KIR3DL1: variants seen among roughly 807,000 people sequenced by gnomAD.
KIR3DL1 encodes the protein killer cell immunoglobulin-like receptor 3DL1.
In KIR3DL1, 50 loss-of-function variants were observed where a neutral mutation model predicts 40.3. The observed-to-expected ratio is 1.24, with a 90% confidence interval of 0.99 to 1.57. KIR3DL1 has a LOEUF of 1.57. Among genes scored for constraint, KIR3DL1 ranks in the 40% most tolerant of loss-of-function variants. The pLI is 0.00. For synonymous variants in KIR3DL1, 257 were observed against 207.2 expected (o/e 1.24, Z -2.07); for missense variants, 661 against 559.9 (o/e 1.18, Z -1.82).
intron 2 of KIR3DL1, 39 bp downstream of exon 2, chr19:54,817,608 C>T: frequency 2.1e-6 from 3 of 1,457,926 alleles, no homozygotes; most frequent in South Asian, 1.2e-5. Flanking sequence ...CATCTCCCCA[C>T]ATAAGAGGAT....
At chr19:54,826,955 G>A (rs1341482276) in intron 6 of KIR3DL1, among the ~76,000 whole-genome samples, 2 of 150,860 alleles carry the variant, frequency 1.3e-5, no homozygotes, top group Non-Finnish European at 3.0e-5. Context: ...TTCACCTCGG[G>A]GTAGCCAGGA....
intron 6 of KIR3DL1, among the ~76,000 whole-genome samples, chr19:54,825,799 T>A (rs2061854706): frequency 6.6e-6 from 1 of 150,626 alleles, no homozygotes; most frequent in Non-Finnish European, 1.5e-5. Context: ...TGTCCCAGCT[T>A]CTAAAGGCTC....
chr19:54,816,995 G>A (rs1311549492), intron 1 of KIR3DL1, among the ~76,000 whole-genome samples: 6 of 142,764 alleles, frequency 4.2e-5, no homozygotes, highest in African/African-American at 5.3e-5. Context: ...TTATGGGCCC[G>A]GAGGTGGAGT....
At position 54,822,225 on chromosome 19, in the gene KIR3DL1, C is replaced by A. The variant is rs1394753670; in HGVS notation, c.949+367C>A. Among the ~76,000 whole-genome samples the A allele has an allele frequency of 1.9e-4, 28 of 151,244 alleles. 2 individuals are homozygous for A. The highest frequency in any genetic ancestry group is 5.9e-5 in the Non-Finnish European group (4 of 67,938). On this transcript the variant is annotated intron_variant, in intron 5 of 8. Coordinates refer to ENST00000391728, the Ensembl canonical transcript of KIR3DL1. ...CACAGAGAGATATCATCACCAGCAACCCCTACACCCTTTTCTTTTCATTTT... is the reference window on the plus strand; with the variant it reads ...CACAGAGAGATATCATCACCAGCAAACCCTACACCCTTTTCTTTTCATTTT...
At chr19:54,820,124 A>G (rs1294273856) in intron 4 of KIR3DL1, 112 bp downstream of exon 4, 25 of 1,151,986 alleles carry the variant, frequency 2.2e-5, no homozygotes, top group Non-Finnish European at 2.9e-5. Flanking sequence ...TCTTATGGAA[A>G]GAGAGTGACT....
At chr19:54,817,165 C>A (rs1239738082) in intron 1 of KIR3DL1, among the ~76,000 whole-genome samples, 10 of 145,996 alleles carry the variant, frequency 6.8e-5, no homozygotes, top group Non-Finnish European at 1.4e-4. Flanking sequence ...AAATATGGGC[C>A]TGGAGTGGAG....
At chr19:54,827,814 G>T (rs1313769469) in intron 6 of KIR3DL1, among the ~76,000 whole-genome samples, 1 of 150,334 alleles carries the variant, frequency 6.7e-6, no homozygotes, top group African/African-American at 2.5e-5. Flanking sequence ...GTGAAAGCCC[G>T]CTGAATCCTC....
rs559112856 is a variant in KIR3DL1 at position 54,830,491 on chromosome 19, C to T, written c.*216C>T. On this transcript the variant is annotated 3_prime_UTR_variant, in exon 9 of 9. Coordinates refer to ENST00000391728, the Ensembl canonical transcript of KIR3DL1. ...GCTGGAAAGAAAACACACTCCTTTGCTTAGCCCACAGTTCTCCATTTCACT... is the reference window on the plus strand; with the variant it reads ...GCTGGAAAGAAAACACACTCCTTTGTTTAGCCCACAGTTCTCCATTTCACT... The T allele has an allele frequency of 1.1e-5, 7 of 617,240 alleles. 1 individual carries two copies. The highest frequency in any genetic ancestry group is 1.1e-4 in the South Asian group (5 of 45,962). The allele number at this position is 617,240 out of a possible 1,614,324, so 38.2% of individuals were successfully genotyped here. A position where few individuals can be genotyped will look rare whatever the true frequency, so the allele number is the denominator to read the frequency against.
At chr19:54,820,454 G>A (rs572807824) in intron 4 of KIR3DL1, among the ~76,000 whole-genome samples, 24 of 151,600 alleles carry the variant, frequency 1.6e-4, no homozygotes, top group South Asian at 6.3e-4. Context: ...TACAGATGCC[G>A]TGTTTATTCT....
chr19:54,822,142 T>G (rs1386679254), intron 5 of KIR3DL1, among the ~76,000 whole-genome samples: 1 of 150,678 alleles, frequency 6.6e-6, no homozygotes, highest in Non-Finnish European at 1.5e-5. Context: ...AGATCAGAGG[T>G]TCCCTCAGCC....
At chr19:54,817,400 G>T (rs2061404778) in intron 1 of KIR3DL1, 134 bp from the exon 2 acceptor site, 2 of 768,012 alleles carry the variant, frequency 2.6e-6, no homozygotes, top group Non-Finnish European at 4.6e-6. Flanking sequence ...GTTCCTGGGG[G>T]CAGGTAGGCA....
At chr19:54,826,529 A>G (rs2148168548) in intron 6 of KIR3DL1, among the ~76,000 whole-genome samples, 1 of 145,658 alleles carries the variant, frequency 6.9e-6, no homozygotes, top group South Asian at 2.3e-4. Context: ...CATGTTGGCC[A>G]AGCTTGTCTG....
At chr19:54,826,858 C>T (rs664686) in intron 6 of KIR3DL1, among the ~76,000 whole-genome samples, 6,844 of 150,246 alleles carry the variant, frequency 0.046, 70 homozygotes, top group East Asian at 0.088. Context: ...AATGACAAGA[C>T]GACTGTGGAG....
rs1292621997 is a variant in KIR3DL1, at chr19:54,828,903, CAG to C, written c.1001-454_1001-453del. Among the ~76,000 whole-genome samples, 8 of 141,218 alleles carry C rather than the reference CAG, an allele frequency of 5.7e-5. 1 individual carries two copies. Among genetic ancestry groups the C allele is most frequent in the Non-Finnish European group, 1.3e-4 (8 of 63,774 alleles). 92.6% of individuals were successfully genotyped at this position (141,218 alleles called of 152,430 possible). A position where few individuals can be genotyped will look rare whatever the true frequency, so the allele number is the denominator to read the frequency against. ...AGAAGGGAAGGAGGGTCTGTCTGTG[CAG>C]AGACCACAGAGATCACACGGCAAGA... On this transcript the variant is annotated intron_variant, in intron 6 of 8. Coordinates refer to ENST00000391728, the Ensembl canonical transcript of KIR3DL1.
In KIR3DL1 at chr19:54,829,566, C is replaced by T. The variant is rs113632222; in HGVS notation, c.1105+101C>T. ...TCCTCACTGGCAGGATGGTCCCTGG[C>T]CCAAGACAGGAGCCACAGAGGCAGG... On this transcript the variant is annotated intron_variant, in intron 7 of 8. Transcript: ENST00000391728. The T allele has an allele frequency of 2.0e-3, 2,059 of 1,053,826 alleles. 187 individuals carry two copies. Among genetic ancestry groups the T allele is most frequent in the Non-Finnish European group, 2.5e-3 (1,816 of 729,364 alleles). 65.3% of individuals were successfully genotyped at this position (1,053,826 alleles called of 1,614,324 possible).
chr19:54,824,085 G>T (rs1481206389), intron 5 of KIR3DL1, among the ~76,000 whole-genome samples: 1 of 151,454 alleles, frequency 6.6e-6, no homozygotes, highest in Non-Finnish European at 1.5e-5. Flanking sequence ...TGGTGCAGAA[G>T]TTGCTTGGTT....
intron 3 of KIR3DL1, among the ~76,000 whole-genome samples, chr19:54,818,967 T>C (rs149219913): frequency 1.3e-5 from 2 of 149,430 alleles, no homozygotes; most frequent in East Asian, 2.0e-4. Context: ...ATTAGAGCAG[T>C]GTAGTGGGAG....
chr19:54,823,467 A>AG (rs2148134886), intron 5 of KIR3DL1, among the ~76,000 whole-genome samples: 1 of 141,936 alleles, frequency 7.0e-6, no homozygotes, highest in South Asian at 2.5e-4. Flanking sequence ...CCTGTCTTGC[A>AG]GTAAAAGCCA....
chr19:54,820,905 T>C (rs1250720336), intron 4 of KIR3DL1, among the ~76,000 whole-genome samples: 4 of 150,632 alleles, frequency 2.7e-5, no homozygotes, highest in African/African-American at 4.9e-5. Context: ...AGAGAGATGA[T>C]AGATGGATAG....
Sources: gnomAD v4.1 joint callset for allele counts (sites outside exome capture counted in the v4.1 genomes callset) on GRCh38, gnomAD v4.1.1 for gene constraint, MANE v1.5 for transcripts, NCBI Gene and HGNC (gene_info 2026-07-23, HGNC 2026-07-21) for gene names.